CAMK1D: variants seen among roughly 807,000 people sequenced by gnomAD.
The protein encoded by CAMK1D is calcium/calmodulin-dependent protein kinase type 1D.
In CAMK1D, 9 loss-of-function variants were observed where a neutral mutation model predicts 47.7. The observed-to-expected ratio is 0.19, with a 90% CI of 0.11 to 0.33. The LOEUF (loss-of-function observed/expected upper bound fraction) is 0.33. Among genes scored for constraint, CAMK1D ranks in the 10% least tolerant of loss-of-function variants. The pLI, the probability that CAMK1D is intolerant of heterozygous loss-of-function variation, is 1.00. For synonymous variants in CAMK1D, 184 were observed against 184.9 expected (o/e 0.99, Z 0.04); for missense variants, 291 against 488.7 (o/e 0.60, Z 3.81).
intron 2 of CAMK1D, among the ~76,000 whole-genome samples, chr10:12,573,806 C>T (rs916665047): frequency 1.6e-4 from 24 of 146,612 alleles, no homozygotes; most frequent in African/African-American, 6.2e-4. Context: ...AAGCACGTGC[C>T]ACCATGCCTG....
intron 1 of CAMK1D, among the ~76,000 whole-genome samples, chr10:12,380,886 C>T (rs1010138289): frequency 1.3e-5 from 2 of 152,062 alleles, no homozygotes; most frequent in Admixed American, 6.6e-5. Context: ...ACAAACCCCA[C>T]GCATTTCTCA....
Position 12,519,133 on chromosome 10 carries a change from C to G in CAMK1D, c.93-34092C>G, listed in dbSNP as rs1015514468. Reference sequence around the variant, plus strand: ...GGCGGGGGGCTGACCCCCCCACCACCCTCCCGGACAGGGCGGCTGGCCAGA... The same window carrying G: ...GGCGGGGGGCTGACCCCCCCACCACGCTCCCGGACAGGGCGGCTGGCCAGA... On this transcript the variant is annotated intron_variant, in intron 1 of 10. Transcript: ENST00000619168. 2.1e-5 allele frequency among the ~76,000 whole-genome samples: 2 copies of G among 93,118 alleles called. 1 individual carries two copies. Among genetic ancestry groups the G allele is most frequent in the African/African-American group, 8.3e-5 (2 of 24,204 alleles). 61.1% of individuals were successfully genotyped at this position (93,118 alleles called of 152,430 possible).
At chr10:12,573,889 T>G (rs956427082) in intron 2 of CAMK1D, among the ~76,000 whole-genome samples, 2 of 126,854 alleles carry the variant, frequency 1.6e-5, no homozygotes, top group Non-Finnish European at 1.6e-5. Context: ...CTACCCAGAT[T>G]GGTCTCAAAG....
At chr10:12,356,519 G>A (rs1455191214) in intron 1 of CAMK1D, among the ~76,000 whole-genome samples, 2 of 152,048 alleles carry the variant, frequency 1.3e-5, no homozygotes, top group Non-Finnish European at 2.9e-5. Context: ...TCAGGAGTTC[G>A]AGAGCAGCCT....
At chr10:12,387,822 C>T (rs1407069643) in intron 1 of CAMK1D, among the ~76,000 whole-genome samples, 1 of 152,016 alleles carries the variant, frequency 6.6e-6, no homozygotes, top group Non-Finnish European at 1.5e-5. Context: ...AATAATTGCT[C>T]AATAAATGCT....
chr10:12,818,934 A>G (rs1832912324), intron 8 of CAMK1D, among the ~76,000 whole-genome samples: 1 of 152,226 alleles, frequency 6.6e-6, no homozygotes, highest in South Asian at 2.1e-4. Context: ...CGATAAAGGT[A>G]ATAAAGGTTT....
intron 2 of CAMK1D, among the ~76,000 whole-genome samples, chr10:12,601,239 C>T (rs1395286541): frequency 7.3e-6 from 1 of 137,074 alleles, no homozygotes; most frequent in Non-Finnish European, 1.6e-5. Flanking sequence ...TTGGTGTGAG[C>T]TTTTATTTAC....
intron 1 of CAMK1D, among the ~76,000 whole-genome samples, chr10:12,445,073 C>G (rs576738675): frequency 6.6e-6 from 1 of 152,326 alleles, no homozygotes; most frequent in East Asian, 1.9e-4. Flanking sequence ...TGATGCTATA[C>G]TAGAGACAGG....
At chr10:12,813,856 GCT>G (rs1226765859) in intron 6 of CAMK1D, among the ~76,000 whole-genome samples, 1 of 151,674 alleles carries the variant, frequency 6.6e-6, no homozygotes, top group East Asian at 1.9e-4. Flanking sequence ...CACCTCCCAG[GCT>G]CAAGGATTCT....
intron 1 of CAMK1D, among the ~76,000 whole-genome samples, chr10:12,510,276 C>T (rs377587565): frequency 2.0e-5 from 3 of 152,140 alleles, no homozygotes; most frequent in African/African-American, 7.2e-5. Flanking sequence ...ATTAGCTGGG[C>T]GTGGTGGCAC....
At chr10:12,719,268 G>T (rs758819302) in intron 3 of CAMK1D, among the ~76,000 whole-genome samples, 1 of 151,852 alleles carries the variant, frequency 6.6e-6, no homozygotes, top group African/African-American at 2.4e-5. Context: ...GTAACCAGGC[G>T]TGATGGTGCA....
chr10:12,712,266 G>C (rs1372368859), intron 3 of CAMK1D, among the ~76,000 whole-genome samples: 1 of 152,350 alleles, frequency 6.6e-6, no homozygotes, highest in South Asian at 2.1e-4. Context: ...GCTGGGGTCA[G>C]TGTTGCAGGT....
rs547147334 is a variant in CAMK1D at position 12,612,886 on chromosome 10, C to T, written c.225-53850C>T. 2.2e-4 allele frequency among the ~76,000 whole-genome samples: 33 copies of T among 152,228 alleles called. No homozygotes were observed. In the East Asian group the frequency reaches 5.2e-3, roughly 24 times the overall value. Reference sequence around the variant, plus strand: ...CCCTCAAATTGATGTAGTCTTGGCACGTGGTCTTGTAAAGCAAATACATGA... The same window carrying T: ...CCCTCAAATTGATGTAGTCTTGGCATGTGGTCTTGTAAAGCAAATACATGA... On this transcript the variant is annotated intron_variant, in intron 2 of 10. Coordinates refer to ENST00000619168, the MANE Select transcript of CAMK1D (RefSeq NM_153498.4).
At chr10:12,563,700 G>GAGAGAGAGAGAGAGAGAGAGAGAGAGA (rs1564414542) in intron 2 of CAMK1D, among the ~76,000 whole-genome samples, 4 of 85,178 alleles carry the variant, frequency 4.7e-5, no homozygotes, top group South Asian at 3.3e-4. Context: ...AGAGAGAGAG[G>GAGAGAGAGAGAGAGAGAGAGAGAGAGA]GAGAGAGAGG....
At chr10:12,492,185 CT>C (rs1210164019) in intron 1 of CAMK1D, among the ~76,000 whole-genome samples, 2 of 152,020 alleles carry the variant, frequency 1.3e-5, no homozygotes, top group Non-Finnish European at 2.9e-5. Context: ...GCTGTTGCGG[CT>C]GCAGGCCTGG....
chr10:12,793,405 G>T (rs1256172855), intron 6 of CAMK1D, among the ~76,000 whole-genome samples: 1 of 152,182 alleles, frequency 6.6e-6, no homozygotes, highest in Non-Finnish European at 1.5e-5. Context: ...GCTCTGGTTA[G>T]GTACTTGTTG....
chr10:12,820,336 A>G (rs1832971803), intron 8 of CAMK1D, among the ~76,000 whole-genome samples: 1 of 152,190 alleles, frequency 6.6e-6, no homozygotes, highest in South Asian at 2.1e-4. Flanking sequence ...GTACATTTTA[A>G]CCCTCCCAAT....
chr10:12,698,405 C>A (rs983410069), intron 3 of CAMK1D, among the ~76,000 whole-genome samples: 1 of 152,070 alleles, frequency 6.6e-6, no homozygotes, highest in African/African-American at 2.4e-5. Context: ...CAATACATAA[C>A]CTGTTTTATG....
chr10:12,620,980 T>C (rs1838979871), intron 2 of CAMK1D, among the ~76,000 whole-genome samples: 1 of 152,232 alleles, frequency 6.6e-6, no homozygotes, highest in Admixed American at 6.5e-5. Flanking sequence ...AGGTTTACTT[T>C]TATTGTCTGT....
Sources: gnomAD v4.1 joint callset for allele counts (sites outside exome capture counted in the v4.1 genomes callset) on GRCh38, gnomAD v4.1.1 for gene constraint, MANE v1.5 for transcripts, NCBI Gene and HGNC (gene_info 2026-07-23, HGNC 2026-07-21) for gene names.